Variants in DTX4 observed in about 807,000 individuals in gnomAD.
DTX4 encodes deltex E3 ubiquitin ligase 4.
Under a neutral mutation model 57.6 loss-of-function variants are expected in DTX4, and 28 were observed. The observed-to-expected ratio is 0.49, with a 90% CI of 0.36 to 0.67. The LOEUF (loss-of-function observed/expected upper bound fraction) is 0.67. Ranked by LOEUF, DTX4 falls within the 30% of genes least tolerant of loss-of-function variation. The pLI, the probability that DTX4 is intolerant of heterozygous loss-of-function variation, is 0.00. For synonymous variants in DTX4, 316 were observed against 331.0 expected (o/e 0.95, Z 0.49); for missense variants, 715 against 836.8 (o/e 0.85, Z 1.80).
chr11:59,171,956 G>A (rs2135507584), upstream of DTX4, among the ~76,000 whole-genome samples: 1 of 152,298 alleles, frequency 6.6e-6, no homozygotes, highest in East Asian at 1.9e-4. Flanking sequence ...CAAGGAACCA[G>A]GGAAACACAC....
chr11:59,179,384 C>A (rs1156935201), intron 1 of DTX4, among the ~76,000 whole-genome samples: 1 of 152,230 alleles, frequency 6.6e-6, no homozygotes, highest in East Asian at 1.9e-4. Context: ...AAACCCGCAA[C>A]CCAGAGTGAG....
At chr11:59,179,716 G>A (rs1310253304) in intron 1 of DTX4, among the ~76,000 whole-genome samples, 1 of 152,146 alleles carries the variant, frequency 6.6e-6, no homozygotes. Context: ...AGCCAAACTT[G>A]GCCCAGGTGG....
At chr11:59,186,291 T>C (rs766443259) in intron 2 of DTX4, among the ~76,000 whole-genome samples, 3 of 152,108 alleles carry the variant, frequency 2.0e-5, no homozygotes, top group Non-Finnish European at 4.4e-5. Context: ...GTTCTGGGGA[T>C]TGGATTATTT....
At chr11:59,179,246 A>G (rs931608799) in intron 1 of DTX4, among the ~76,000 whole-genome samples, 1 of 152,168 alleles carries the variant, frequency 6.6e-6, no homozygotes, top group African/African-American at 2.4e-5. Flanking sequence ...AGATTGTGCA[A>G]ATACCAATTT....
At chr11:59,178,428 C>A (rs1211139506) in intron 1 of DTX4, among the ~76,000 whole-genome samples, 1 of 152,208 alleles carries the variant, frequency 6.6e-6, no homozygotes, top group Non-Finnish European at 1.5e-5. Context: ...TGTCTTCTAA[C>A]CCTGTTTCAG....
intron 7 of DTX4, 90 bp from the exon 8 acceptor site, chr11:59,199,594 C>T: frequency 4.0e-6 from 4 of 988,204 alleles, no homozygotes; most frequent in Non-Finnish European, 6.2e-6. Context: ...TTATTATTGT[C>T]ATTATTATTG....
At chr11:59,182,511 G>T (rs750965260) in intron 2 of DTX4, 49 bp downstream of exon 2, 6 of 1,501,718 alleles carry the variant, frequency 4.0e-6, no homozygotes, top group Non-Finnish European at 5.3e-6. Flanking sequence ...GGTAGAGATA[G>T]GCTACAGCAG....
At position 59,208,018 on chromosome 11, in the gene DTX4, G is replaced by C. The variant is rs1862836939; in HGVS notation, c.*3109G>C. ...CTGTGGTCCCCGGCATTAGATTGGGGGTTCTGGGAGAGGCAGGTGAATGTC... is the reference window on the plus strand; with the variant it reads ...CTGTGGTCCCCGGCATTAGATTGGGCGTTCTGGGAGAGGCAGGTGAATGTC... On this transcript the variant is annotated 3_prime_UTR_variant, in exon 9 of 9. Coordinates refer to ENST00000227451, the MANE Select transcript of DTX4 (RefSeq NM_015177.2). 1 of 152,512 alleles carries C rather than the reference G, an allele frequency of 6.6e-6. No homozygotes were observed. Among genetic ancestry groups the C allele is most frequent in the Non-Finnish European group, 1.5e-5 (1 of 68,078 alleles). 9.4% of individuals were successfully genotyped at this position (152,512 alleles called of 1,614,324 possible).
Position 59,182,930 on chromosome 11 carries a change from G to A in DTX4, c.935+468G>A, listed in dbSNP as rs546415113. On this transcript the variant is annotated intron_variant, in intron 2 of 8. Transcript: ENST00000227451. Reference sequence around the variant, plus strand: ...CCACTACACTCCAGCTTGGGTGACAGAATGAGATTGTGCCTACTAAGCAAT... The same window carrying A: ...CCACTACACTCCAGCTTGGGTGACAAAATGAGATTGTGCCTACTAAGCAAT... 3.3e-5 allele frequency among the ~76,000 whole-genome samples: 5 copies of A among 152,276 alleles called. 1 individual carries two copies. The highest frequency in any genetic ancestry group is 1.2e-4 in the African/African-American group (5 of 41,558).
At chr11:59,181,154 A>G (rs1408274201) in intron 1 of DTX4, among the ~76,000 whole-genome samples, 1 of 152,114 alleles carries the variant, frequency 6.6e-6, no homozygotes, top group Non-Finnish European at 1.5e-5. Flanking sequence ...ACAGCCCTGT[A>G]TTCTTTTCCT....
Position 59,206,013 on chromosome 11 carries a change from C to G in DTX4, c.*1104C>G, listed in dbSNP as rs952974812. 1.3e-5 allele frequency: 2 copies of G among 152,284 alleles called. No individual in the cohort carries two copies. The highest frequency in any genetic ancestry group is 2.9e-5 in the Non-Finnish European group (2 of 68,088). 9.4% of individuals were successfully genotyped at this position (152,284 alleles called of 1,614,324 possible). A position where few individuals can be genotyped will look rare whatever the true frequency, so the allele number is the denominator to read the frequency against. On this transcript the variant is annotated 3_prime_UTR_variant, in exon 9 of 9. Coordinates refer to ENST00000227451, the MANE Select transcript of DTX4 (RefSeq NM_015177.2). ...AACCTATCCCGTAGTGAACTGAAACCCCAATGAAGACAGAACTGTGCCTGG... is the reference window on the plus strand; with the variant it reads ...AACCTATCCCGTAGTGAACTGAAACGCCAATGAAGACAGAACTGTGCCTGG...
intron 1 of DTX4, among the ~76,000 whole-genome samples, chr11:59,173,735 C>G: frequency 6.6e-6 from 1 of 152,130 alleles, no homozygotes; most frequent in Non-Finnish European, 1.5e-5. Context: ...ACCTGCCTTT[C>G]CAGGTCAGAG....
chr11:59,188,150 G>A (rs1862549986), intron 2 of DTX4, among the ~76,000 whole-genome samples: 1 of 152,144 alleles, frequency 6.6e-6, no homozygotes, highest in African/African-American at 2.4e-5. Context: ...GAACAAAACA[G>A]ACAAAGATAT....
intron 7 of DTX4, among the ~76,000 whole-genome samples, chr11:59,197,192 G>A (rs74764654): frequency 0.013 from 1,980 of 152,242 alleles, 55 homozygotes; most frequent in African/African-American, 0.045. Flanking sequence ...CATCATTTTA[G>A]GTCCTGCTTG....
intron 3 of DTX4, 41 bp downstream of exon 3, chr11:59,188,837 A>C (rs766827807): frequency 6.5e-7 from 1 of 1,545,064 alleles, no homozygotes; most frequent in Non-Finnish European, 8.9e-7. Context: ...AGGTAGAGAA[A>C]TCAGAGTGAT....
chr11:59,196,597 C>T (rs777595275), intron 7 of DTX4, among the ~76,000 whole-genome samples: 4 of 152,174 alleles, frequency 2.6e-5, no homozygotes, highest in African/African-American at 4.8e-5. Context: ...CAGAAGGGGC[C>T]GCACAGTAGG....
intron 3 of DTX4, 89 bp downstream of exon 3, chr11:59,188,885 A>G: frequency 7.9e-7 from 1 of 1,269,370 alleles, no homozygotes; most frequent in Non-Finnish European, 1.1e-6. Context: ...AAAAGGAGAG[A>G]ATCTAGATAT....
intron 2 of DTX4, chr11:59,185,367 C>G (rs1157295086): frequency 6.6e-6 from 1 of 152,142 alleles, no homozygotes; most frequent in Admixed American, 6.6e-5. Flanking sequence ...GCCACCTTGC[C>G]AGCTCTCTTC....
rs1862606709 is a variant in DTX4 at position 59,192,128 on chromosome 11, GC to G, written c.1257del (p.Ser420GlnfsTer10). The G allele has an allele frequency of 6.2e-7, 1 of 1,613,726 alleles. No homozygotes were observed. The highest frequency in any genetic ancestry group is 8.5e-7 in the Non-Finnish European group (1 of 1,179,886). ...DCTICMERLT[A>X]PSGYKGPQPT... is the part of the protein sequence containing the mutation. ...CACCATCTGTATGGAACGCCTCACG[GC>G]CCCCTCAGGCTACAAGGGCCCGCAG... On this transcript the variant is annotated frameshift_variant, in exon 6 of 9. Coordinates refer to ENST00000227451, the MANE Select transcript of DTX4 (RefSeq NM_015177.2). LOFTEE classifies it high-confidence loss of function.
Sources: allele counts gnomAD v4.1 joint callset (sites outside exome capture counted in the v4.1 genomes callset), GRCh38; gene constraint gnomAD v4.1.1; transcripts MANE v1.5; gene names NCBI Gene and HGNC (gene_info 2026-07-23, HGNC 2026-07-21).